The following RIN2 variants were observed in gnomAD, a reference collection of about 807,000 sequenced individuals.
The protein encoded by RIN2 is RAB5 interacting protein 2.
RIN2 carries 36 observed loss-of-function variants against 78.0 expected under a neutral mutation model. The observed-to-expected ratio is 0.46, with a 90% confidence interval of 0.35 to 0.61. The LOEUF (loss-of-function observed/expected upper bound fraction) is 0.61, where lower values mean the gene tolerates loss of function less well. Among genes scored for constraint, RIN2 ranks in the 20% least tolerant of loss-of-function variants. The pLI is 0.00. For synonymous variants in RIN2, 466 were observed against 466.8 expected (o/e 1.00, Z 0.02); for missense variants, 1,087 against 1,159.7 (o/e 0.94, Z 0.91).
At chr20:19,925,980 T>C (rs2040207003) in intron 3 of RIN2, among the ~76,000 whole-genome samples, 1 of 152,222 alleles carries the variant, frequency 6.6e-6, no homozygotes, top group South Asian at 2.1e-4. Context: ...GATATGTGGA[T>C]TGTGGTATAT....
At chr20:19,796,510 T>C (rs2122671922) in intron 1 of RIN2, among the ~76,000 whole-genome samples, 1 of 152,314 alleles carries the variant, frequency 6.6e-6, no homozygotes, top group East Asian at 1.9e-4. Flanking sequence ...TAAGTATTGT[T>C]CTACAAAATG....
intron 12 of RIN2, 130 bp from the exon 13 acceptor site, chr20:20,000,483 C>A (rs1040857774): frequency 4.2e-6 from 3 of 707,818 alleles, no homozygotes; most frequent in African/African-American, 3.5e-5. Context: ...AGCCTCGTGG[C>A]CTGACATCGG....
intron 2 of RIN2, among the ~76,000 whole-genome samples, chr20:19,815,121 T>C (rs974038585): frequency 3.3e-5 from 5 of 152,236 alleles, no homozygotes; most frequent in African/African-American, 1.2e-4. Context: ...TGATCAGTCC[T>C]AATAACTCTG....
At chr20:19,990,937 C>A (rs1340196097) in intron 10 of RIN2, among the ~76,000 whole-genome samples, 1 of 152,196 alleles carries the variant, frequency 6.6e-6, no homozygotes, top group East Asian at 1.9e-4. Context: ...CGAAGAGTTA[C>A]AATCTTGGAA....
At chr20:19,839,436 T>C (rs571481290) in intron 2 of RIN2, among the ~76,000 whole-genome samples, 3 of 152,306 alleles carry the variant, frequency 2.0e-5, no homozygotes, top group African/African-American at 7.2e-5. Context: ...GATGAAGACA[T>C]GGAAACTCGA....
At position 19,974,916 on chromosome 20, in the gene RIN2, C is replaced by T. The variant is rs375796105; in HGVS notation, c.891C>T (p.Asn297=). 9 of 1,613,738 alleles carry T rather than the reference C, an allele frequency of 5.6e-6. No homozygotes were observed. The highest frequency in any genetic ancestry group is 4.4e-5 in the South Asian group (4 of 91,086). Reference sequence around the variant, plus strand: ...AACGGCCGAGCACAAGGACTCCCAACGCGAATGGCACGGAGCGGACTCGGT... The same window carrying T: ...AACGGCCGAGCACAAGGACTCCCAATGCGAATGGCACGGAGCGGACTCGGT... ...GLKRPSTRTP[N]ANGTERTRSP... The change falls in exon 9 of 13, where the codon AAC becomes AAT. Residue 297 remains asparagine (N), a synonymous_variant. Coordinates refer to ENST00000255006, the MANE Select transcript of RIN2 (RefSeq NM_018993.4).
intron 3 of RIN2, among the ~76,000 whole-genome samples, chr20:19,927,369 T>C (rs1476106463): frequency 6.6e-6 from 1 of 152,114 alleles, no homozygotes; most frequent in Non-Finnish European, 1.5e-5. Context: ...TTCCTCAGCC[T>C]CCTGAGTAGC....
intron 3 of RIN2, among the ~76,000 whole-genome samples, chr20:19,899,905 A>G (rs1367651452): frequency 6.6e-6 from 1 of 152,198 alleles, no homozygotes; most frequent in African/African-American, 2.4e-5. Flanking sequence ...TGTGGCTTAC[A>G]CTGGGAACAT....
intron 2 of RIN2, among the ~76,000 whole-genome samples, chr20:19,858,468 G>T (rs574670140): frequency 6.6e-6 from 1 of 152,166 alleles, no homozygotes; most frequent in African/African-American, 2.4e-5. Context: ...TCTGCATTGC[G>T]TCTCTTAGAG....
chr20:19,810,326 T>C (rs1234564792), intron 2 of RIN2, among the ~76,000 whole-genome samples: 1 of 151,722 alleles, frequency 6.6e-6, no homozygotes, highest in Non-Finnish European at 1.5e-5. Flanking sequence ...GAGAATCACT[T>C]GAACCTGGGA....
chr20:19,882,557 T>A (rs921246483), intron 2 of RIN2, among the ~76,000 whole-genome samples: 1 of 152,138 alleles, frequency 6.6e-6, no homozygotes, highest in African/African-American at 2.4e-5. Context: ...AACAGGTTGA[T>A]GAGTAGACCC....
chr20:19,790,607 C>A (rs1412925718), intron 1 of RIN2, among the ~76,000 whole-genome samples: 3 of 152,134 alleles, frequency 2.0e-5, no homozygotes, highest in Non-Finnish European at 4.4e-5. Context: ...CCAGCCTGGG[C>A]AACATAGGGT....
Position 19,912,475 on chromosome 20 carries a change from CTTTTTTTT to C in RIN2, c.58-22611_58-22604del, listed in dbSNP as rs545323465. On this transcript the variant is annotated intron_variant, in intron 3 of 12. Transcript: ENST00000255006. ...TCATTTCTTTTTTCTTTTTCTTTTT[CTTTTTTTT>C]TTTTTTTTTTTTGAGATGAAGTCTC... Among the ~76,000 whole-genome samples the C allele has an allele frequency of 2.0e-3, 227 of 110,940 alleles. 2 individuals are homozygous for C. Among genetic ancestry groups the C allele is most frequent in the African/African-American group, 7.5e-3 (212 of 28,224 alleles). 72.8% of individuals were successfully genotyped at this position (110,940 alleles called of 152,430 possible). A position where few individuals can be genotyped will look rare whatever the true frequency, so the allele number is the denominator to read the frequency against.
intron 4 of RIN2, among the ~76,000 whole-genome samples, chr20:19,948,145 G>A (rs1192027995): frequency 6.6e-6 from 1 of 152,154 alleles, no homozygotes; most frequent in Non-Finnish European, 1.5e-5. Flanking sequence ...CAGCTCCAAG[G>A]CAGATGTGAT....
intron 2 of RIN2, among the ~76,000 whole-genome samples, chr20:19,885,532 T>C (rs1323432075): frequency 1.5e-5 from 2 of 134,084 alleles, no homozygotes; most frequent in African/African-American, 5.7e-5. Flanking sequence ...CCAGGCATGA[T>C]GGTGCACGCC....
At chr20:19,947,244 T>C (rs2146192642) in intron 4 of RIN2, among the ~76,000 whole-genome samples, 1 of 151,862 alleles carries the variant, frequency 6.6e-6, no homozygotes, top group African/African-American at 2.4e-5. Context: ...CTTGTGCCTG[T>C]AGCCCCAGCT....
intron 3 of RIN2, among the ~76,000 whole-genome samples, chr20:19,928,988 G>A (rs1379158534): frequency 6.6e-6 from 1 of 152,194 alleles, no homozygotes. Context: ...CCCTTGGGTT[G>A]GGGTCTTTGT....
At chr20:19,912,475 C>CTTTTTTTTTT (rs545323465) in intron 3 of RIN2, among the ~76,000 whole-genome samples, 5 of 110,930 alleles carry the variant, frequency 4.5e-5, no homozygotes, top group Non-Finnish European at 7.0e-5. Flanking sequence ...TTTTCTTTTT[C>CTTTTTTTTTT]TTTTTTTTTT....
rs577066485 is a variant in RIN2 at position 19,855,744 on chromosome 20, C to T, written c.-36-33822C>T. ...ACCAACAAGAGACTGGCAAAACTGA[C>T]ACCGGAGGCTTGGGGGAAAAAAATC... On this transcript the variant is annotated intron_variant, in intron 2 of 12. Coordinates refer to ENST00000255006, the MANE Select transcript of RIN2 (RefSeq NM_018993.4). 1.5e-3 allele frequency among the ~76,000 whole-genome samples: 222 copies of T among 152,242 alleles called. 2 individuals are homozygous for T. Among genetic ancestry groups the T allele is most frequent in the Middle Eastern group, 6.8e-3 (2 of 294 alleles).
Sources: allele counts gnomAD v4.1 joint callset (sites outside exome capture counted in the v4.1 genomes callset), GRCh38; gene constraint gnomAD v4.1.1; transcripts MANE v1.5; gene names NCBI Gene and HGNC (gene_info 2026-07-23, HGNC 2026-07-21).